The following ZZZ3 variants were observed in gnomAD, a reference collection of about 807,000 sequenced individuals.
ZZZ3 encodes the protein zinc finger ZZ-type containing 3, also known as ZZ-type zinc finger-containing protein 3.
Under a neutral mutation model 95.2 loss-of-function variants are expected in ZZZ3, and 22 were observed. The ratio of observed to expected loss-of-function variants is 0.23; its 90% confidence interval spans 0.17 to 0.33. ZZZ3 has a LOEUF of 0.33. Among genes scored for constraint, ZZZ3 ranks in the 10% least tolerant of loss-of-function variants. ZZZ3 has a pLI of 1.00. For synonymous variants in ZZZ3, 335 were observed against 358.9 expected, an observed-to-expected ratio of 0.93 and a Z score of 0.75; for missense variants, 885 against 1,066.5, an observed-to-expected ratio of 0.83 and a Z score of 2.37.
chr1:77,572,663 G>A (rs1162886851), intron 12 of ZZZ3, among the ~76,000 whole-genome samples: 1 of 151,862 alleles, frequency 6.6e-6, no homozygotes, highest in Non-Finnish European at 1.5e-5. Flanking sequence ...TTAAGACAGA[G>A]TCTCCCTCTG....
chr1:77,588,153 GT>G (rs1370706393), intron 5 of ZZZ3, among the ~76,000 whole-genome samples: 1 of 152,168 alleles, frequency 6.6e-6, no homozygotes, highest in African/African-American at 2.4e-5. Flanking sequence ...TCCCTGTGTT[GT>G]TCAAGGGTCA....
intron 11 of ZZZ3, among the ~76,000 whole-genome samples, chr1:77,576,721 G>C (rs1661986099): frequency 2.0e-5 from 3 of 150,516 alleles, no homozygotes. Context: ...TACATTGGAA[G>C]AATTGTCTTG....
At chr1:77,567,272 C>G (rs1660916181) in intron 13 of ZZZ3, among the ~76,000 whole-genome samples, 1 of 152,126 alleles carries the variant, frequency 6.6e-6, no homozygotes, top group South Asian at 2.1e-4. Flanking sequence ...CAGTCAAGTT[C>G]AGGACACCCT....
chr1:77,568,531 T>C (rs1174999104), intron 12 of ZZZ3, 65 bp from the exon 13 acceptor site: 2 of 803,992 alleles, frequency 2.5e-6, no homozygotes, highest in East Asian at 3.2e-5. Flanking sequence ...GTGTAAGTAA[T>C]ACTGATACAG....
At chr1:77,610,712 G>A (rs1038380619) in intron 5 of ZZZ3, among the ~76,000 whole-genome samples, 4 of 151,510 alleles carry the variant, frequency 2.6e-5, no homozygotes, top group African/African-American at 9.7e-5. Flanking sequence ...CAAAAACTAT[G>A]ATCATTTCAA....
At position 77,576,102 on chromosome 1, in the gene ZZZ3, T is replaced by C; in HGVS notation, c.2297A>G (p.His766Arg). Residue 766 changes from histidine to arginine, a missense_variant, in exon 12 of 15, where the codon CAT becomes CGT. Physicochemically the swap from His to Arg is conservative, Grantham distance 29. Around this residue, in one of 5 missense-constraint regions of ZZZ3, gnomAD observed 221 missense variants for 247.8 expected, o/e 0.89. Transcript: ENST00000370801. Reference sequence around the variant, plus strand: ...TTCAACAGCAGTGTTCATGTGGCTATGAAAACAAGATCGGTCATCATCTTC... The same window carrying C: ...TTCAACAGCAGTGTTCATGTGGCTACGAAAACAAGATCGGTCATCATCTTC... ...MDEDDDRSCF[H>R]SHMNTAVEDA... 1 of 1,611,558 alleles carries C rather than the reference T, an allele frequency of 6.2e-7. No homozygotes were observed. Among genetic ancestry groups the C allele is most frequent in the South Asian group, 1.1e-5 (1 of 90,372 alleles).
rs1671439164 is a variant in ZZZ3, at chr1:77,668,382, T to A, written c.-403+14203A>T. ...TCTAGCTGGGAGGCATGGAAAAGCA[T>A]GGGCTTTGGAGTCAGATATTTGTCA... On this transcript the variant is annotated intron_variant, in intron 1 of 14. Transcript: ENST00000370801. Among the ~76,000 whole-genome samples the A allele has an allele frequency of 3.3e-5, 5 of 152,300 alleles. No homozygotes were observed. The Middle Eastern group carries it at 0.01, about 311-fold the overall frequency.
At chr1:77,611,232 C>CA (rs142588523) in intron 5 of ZZZ3, among the ~76,000 whole-genome samples, 31,186 of 56,414 alleles carry the variant, frequency 0.55, 7,839 homozygotes, top group Non-Finnish European at 0.64. Context: ...AAATACCTAC[C>CA]AAAAAAAAAA....
chr1:77,625,495 A>G (rs1388068773), intron 5 of ZZZ3, among the ~76,000 whole-genome samples: 2 of 152,216 alleles, frequency 1.3e-5, no homozygotes, highest in Non-Finnish European at 2.9e-5. Flanking sequence ...AAGGTGACTC[A>G]TGAAAGCCAA....
intron 5 of ZZZ3, among the ~76,000 whole-genome samples, chr1:77,613,133 C>T (rs1425309209): frequency 6.6e-6 from 1 of 152,024 alleles, no homozygotes; most frequent in African/African-American, 2.4e-5. Flanking sequence ...GTAGTTGACA[C>T]ATTTTGCCTT....
intron 5 of ZZZ3, among the ~76,000 whole-genome samples, chr1:77,594,668 C>G (rs936779127): frequency 6.6e-6 from 1 of 151,872 alleles, no homozygotes; most frequent in Admixed American, 6.6e-5. Context: ...AAGGAACATA[C>G]AAGCCTCAAT....
At chr1:77,586,427 G>A (rs1191936975) in intron 5 of ZZZ3, among the ~76,000 whole-genome samples, 1 of 151,982 alleles carries the variant, frequency 6.6e-6, no homozygotes, top group Non-Finnish European at 1.5e-5. Flanking sequence ...GTAAAAATAG[G>A]GTTACAAAAA....
intron 1 of ZZZ3, among the ~76,000 whole-genome samples, chr1:77,656,995 C>G (rs1375337077): frequency 6.6e-6 from 1 of 152,100 alleles, no homozygotes; most frequent in Non-Finnish European, 1.5e-5. Flanking sequence ...TATTTACTTA[C>G]TTTTCGAGAC....
intron 5 of ZZZ3, among the ~76,000 whole-genome samples, chr1:77,604,563 G>A (rs1035568615): frequency 6.6e-5 from 10 of 152,250 alleles, no homozygotes; most frequent in East Asian, 5.8e-4. Flanking sequence ...AGTAAACTAC[G>A]TGAGAACAGG....
intron 10 of ZZZ3, 77 bp downstream of exon 10, chr1:77,579,450 A>G (rs879111628): frequency 9.5e-7 from 1 of 1,047,628 alleles, no homozygotes; most frequent in South Asian, 1.3e-5. Context: ...AGATCGCCCA[A>G]TGTCAGCTGC....
intron 5 of ZZZ3, among the ~76,000 whole-genome samples, chr1:77,616,051 T>C (rs1220445588): frequency 1.3e-5 from 2 of 152,156 alleles, no homozygotes; most frequent in African/African-American, 4.8e-5. Context: ...CACTGAGTTA[T>C]TTTTATCTAA....
chr1:77,572,637 C>A lies in ZZZ3; in HGVS notation c.2331+3431G>T, dbSNP rs565651941. 2.0e-5 allele frequency among the ~76,000 whole-genome samples: 3 copies of A among 151,606 alleles called. No individual in the cohort carries two copies. The South Asian group carries it at 6.3e-4, about 32-fold the overall frequency. ...ACAGGTGTGAGACACTGCGCCCGGCCTTTTTGTTTGTTTTTTTAAGACAGA... is the reference window on the plus strand; with the variant it reads ...ACAGGTGTGAGACACTGCGCCCGGCATTTTTGTTTGTTTTTTTAAGACAGA... On this transcript the variant is annotated intron_variant, in intron 12 of 14. Coordinates refer to ENST00000370801, the MANE Select transcript of ZZZ3 (RefSeq NM_015534.6).
chr1:77,674,795 T>A (rs1436110840), intron 1 of ZZZ3, among the ~76,000 whole-genome samples: 4 of 151,394 alleles, frequency 2.6e-5, no homozygotes, highest in African/African-American at 9.7e-5. Context: ...CTACTAAAAA[T>A]ACAAAAATGA....
intron 13 of ZZZ3, among the ~76,000 whole-genome samples, chr1:77,567,767 T>C (rs1325028226): frequency 6.6e-6 from 1 of 152,158 alleles, no homozygotes; most frequent in Non-Finnish European, 1.5e-5. Context: ...AGAATGAGTA[T>C]ATGCATTTCT....
Sources: allele counts gnomAD v4.1 joint callset (sites outside exome capture counted in the v4.1 genomes callset), GRCh38; gene constraint gnomAD v4.1.1; regional missense constraint gnomAD v4.1.1; transcripts MANE v1.5; gene names NCBI Gene and HGNC (gene_info 2026-07-23, HGNC 2026-07-21).